Variants in BCL2 observed in about 807,000 individuals in gnomAD.
The protein encoded by BCL2 is apoptosis regulator Bcl-2.
In BCL2, 1 loss-of-function variant was observed where a neutral mutation model predicts 14.2. The observed-to-expected ratio is 0.07, with a 90% CI of 0.02 to 0.33. BCL2 has a LOEUF of 0.33. Ranked by LOEUF, BCL2 falls within the 10% of genes least tolerant of loss-of-function variation. The probability of loss-of-function intolerance (pLI) is 0.99; values close to 1 mark genes in which losing one functional copy is unlikely to be tolerated. For missense variants in BCL2, 247 were observed against 305.9 expected, an observed-to-expected ratio of 0.81 and a Z score of 1.44; for synonymous variants, 151 against 137.2, an observed-to-expected ratio of 1.10 and a Z score of -0.70.
rs1913539280 is a variant in BCL2 at position 63,317,666 on chromosome 18, G to C, written c.585+416C>G. 5 of 1,035,312 alleles carry C rather than the reference G, an allele frequency of 4.8e-6. No individual in the cohort carries two copies. In the African/African-American group the frequency reaches 5.1e-5, roughly 10 times the overall value. 64.1% of individuals were successfully genotyped at this position (1,035,312 alleles called of 1,614,324 possible). ...TTCAGGGGAGCTTGTTTGGGATGCA[G>C]ACTGTCAAGACCCAACCTGGTATCT... On this transcript the variant is annotated intron_variant, in intron 2 of 2. Coordinates refer to ENST00000333681, the MANE Select transcript of BCL2 (RefSeq NM_000633.3).
At chr18:63,162,265 C>G (rs1914938774) in intron 2 of BCL2, among the ~76,000 whole-genome samples, 1 of 152,102 alleles carries the variant, frequency 6.6e-6, no homozygotes, top group Admixed American at 6.5e-5. Context: ...CCCATATAAA[C>G]AAAAAACTGC....
chr18:63,297,217 A>G (rs1912823643), intron 2 of BCL2, among the ~76,000 whole-genome samples: 1 of 152,194 alleles, frequency 6.6e-6, no homozygotes, highest in Non-Finnish European at 1.5e-5. Context: ...TGTCTCAAAA[A>G]AAAAAGAAAG....
intron 2 of BCL2, among the ~76,000 whole-genome samples, chr18:63,267,630 T>G (rs1046656099): frequency 2.6e-5 from 4 of 152,210 alleles, no homozygotes; most frequent in Non-Finnish European, 4.4e-5. Flanking sequence ...ATAGGTGATC[T>G]GTAGCTAGCT....
intron 2 of BCL2, among the ~76,000 whole-genome samples, chr18:63,150,349 A>G (rs772477649): frequency 3.9e-5 from 6 of 152,250 alleles, no homozygotes; most frequent in Non-Finnish European, 2.9e-5. Flanking sequence ...AGTGGACACC[A>G]GTGAATGCAC....
At chr18:63,266,637 T>TCACACA (rs1240438012) in intron 2 of BCL2, among the ~76,000 whole-genome samples, 2 of 85,940 alleles carry the variant, frequency 2.3e-5, no homozygotes, top group African/African-American at 7.2e-5. Flanking sequence ...TCTCTCTCTC[T>TCACACA]CACACACACA....
rs577459126 is a variant in BCL2 at position 63,254,007 on chromosome 18, G to A, written c.585+64075C>T. On this transcript the variant is annotated intron_variant, in intron 2 of 2. Coordinates refer to ENST00000333681, the MANE Select transcript of BCL2 (RefSeq NM_000633.3). ...CGTTCTTGAAATACATATAAAGTTAGTGTTTATTTTCTACCCACTGAAATC... is the reference window on the plus strand; with the variant it reads ...CGTTCTTGAAATACATATAAAGTTAATGTTTATTTTCTACCCACTGAAATC... 4.0e-5 allele frequency among the ~76,000 whole-genome samples: 6 copies of A among 151,460 alleles called. No individual in the cohort carries two copies. The East Asian group carries it at 1.2e-3, about 29-fold the overall frequency.
rs778116665 is a variant in BCL2 at position 63,221,521 on chromosome 18, T to C, written c.586-92762A>G. Among the ~76,000 whole-genome samples, 36 of 152,336 alleles carry C rather than the reference T, an allele frequency of 2.4e-4. 1 individual carries two copies. In the Middle Eastern group the frequency reaches 0.01, roughly 43 times the overall value. ...TGAAGCCAGAGCTTTTATGTAAGGC[T>C]GACTACACAGTGCTCAAGGAAGTTT... On this transcript the variant is annotated intron_variant, in intron 2 of 2. Transcript: ENST00000333681.
chr18:63,258,979 T>C (rs1474791358), intron 2 of BCL2, among the ~76,000 whole-genome samples: 2 of 152,246 alleles, frequency 1.3e-5, no homozygotes, highest in Non-Finnish European at 2.9e-5. Flanking sequence ...ATGTTACATA[T>C]GATCAGAAAA....
At chr18:63,132,363 C>T (rs994459616) in intron 2 of BCL2, among the ~76,000 whole-genome samples, 5 of 152,196 alleles carry the variant, frequency 3.3e-5, no homozygotes, top group East Asian at 1.9e-4. Context: ...AGACCTGCTC[C>T]GCACCTACTC....
intron 2 of BCL2, among the ~76,000 whole-genome samples, chr18:63,168,268 A>C (rs1254816221): frequency 1.3e-5 from 2 of 151,610 alleles, no homozygotes; most frequent in African/African-American, 4.9e-5. Context: ...ATTTAAAAAC[A>C]GGACTGGGGT....
chr18:63,223,065 G>A (rs769478758), intron 2 of BCL2, among the ~76,000 whole-genome samples: 17 of 152,172 alleles, frequency 1.1e-4, no homozygotes, highest in Non-Finnish European at 2.1e-4. Flanking sequence ...AGATAGCACC[G>A]GTGACCTCTG....
At chr18:63,204,906 G>A (rs1027217315) in intron 2 of BCL2, among the ~76,000 whole-genome samples, 3 of 152,142 alleles carry the variant, frequency 2.0e-5, no homozygotes, top group Admixed American at 2.0e-4. Context: ...ATTTTAAAAT[G>A]TGTATATGTT....
intron 2 of BCL2, among the ~76,000 whole-genome samples, chr18:63,232,665 A>G (rs1910721662): frequency 6.6e-6 from 1 of 152,240 alleles, no homozygotes; most frequent in African/African-American, 2.4e-5. Flanking sequence ...GATGCAGAAT[A>G]ATAAGAATTG....
intron 2 of BCL2, among the ~76,000 whole-genome samples, chr18:63,194,245 C>A (rs1186187859): frequency 6.6e-6 from 1 of 152,082 alleles, no homozygotes; most frequent in Non-Finnish European, 1.5e-5. Flanking sequence ...GGAAGTTACA[C>A]TGGAATGAGG....
intron 2 of BCL2, among the ~76,000 whole-genome samples, chr18:63,227,845 C>T (rs757081789): frequency 9.9e-5 from 15 of 152,134 alleles, no homozygotes; most frequent in Non-Finnish European, 1.6e-4. Context: ...AAAGCAATAC[C>T]ATAGGGAAAT....
At chr18:63,217,838 T>C (rs933964804) in intron 2 of BCL2, among the ~76,000 whole-genome samples, 1 of 152,216 alleles carries the variant, frequency 6.6e-6, no homozygotes, top group African/African-American at 2.4e-5. Flanking sequence ...TACTACGTTC[T>C]AGGTTTAACA....
intron 2 of BCL2, among the ~76,000 whole-genome samples, chr18:63,169,141 A>G (rs1366472590): frequency 1.3e-5 from 2 of 152,198 alleles, no homozygotes; most frequent in African/African-American, 4.8e-5. Context: ...CCCTGGTGAC[A>G]CTTATTTCCT....
At chr18:63,168,773 C>G (rs181018089) in intron 2 of BCL2, among the ~76,000 whole-genome samples, 1 of 152,210 alleles carries the variant, frequency 6.6e-6, no homozygotes, top group East Asian at 1.9e-4. Context: ...GTATAAAGTC[C>G]TCCTGGAATG....
At chr18:63,260,099 T>C (rs1303454547) in intron 2 of BCL2, among the ~76,000 whole-genome samples, 2 of 151,966 alleles carry the variant, frequency 1.3e-5, no homozygotes, top group Admixed American at 1.3e-4. Flanking sequence ...ACTTTTCATC[T>C]GCTTTTTTTT....
Sources: gnomAD v4.1 joint callset for allele counts (sites outside exome capture counted in the v4.1 genomes callset) on GRCh38, gnomAD v4.1.1 for gene constraint, MANE v1.5 for transcripts, NCBI Gene and HGNC (gene_info 2026-07-23, HGNC 2026-07-21) for gene names.